Variants in NGEF observed in about 807,000 individuals in gnomAD.
NGEF encodes neuronal guanine nucleotide exchange factor.
Under a neutral mutation model 80.9 loss-of-function variants are expected in NGEF, and 31 were observed. The observed-to-expected ratio is 0.38, with a 90% CI of 0.29 to 0.52. The LOEUF is 0.52. Ranked by LOEUF, NGEF falls within the 20% of genes least tolerant of loss-of-function variation. The pLI, the probability that NGEF is intolerant of heterozygous loss-of-function variation, is 0.84. For missense variants in NGEF, 709 were observed against 926.2 expected (o/e 0.77, Z 3.04); for synonymous variants, 371 against 370.2 (o/e 1.00, Z -0.03).
intron 2 of NGEF, among the ~76,000 whole-genome samples, chr2:232,971,820 C>T (rs988967174): frequency 2.0e-5 from 3 of 152,200 alleles, no homozygotes; most frequent in African/African-American, 7.2e-5. Context: ...GTCACAAACT[C>T]GAGGCTCTTT....
intron 1 of NGEF, among the ~76,000 whole-genome samples, chr2:233,000,593 TA>T (rs1199229237): frequency 7.3e-5 from 11 of 151,486 alleles, no homozygotes; most frequent in Admixed American, 2.0e-4. Flanking sequence ...CCGTCTCTAG[TA>T]AAAAAAATAC....
At chr2:232,966,777 C>T (rs533643713) in intron 3 of NGEF, among the ~76,000 whole-genome samples, 1 of 152,274 alleles carries the variant, frequency 6.6e-6, no homozygotes, top group East Asian at 1.9e-4. Context: ...TCCTTGGCCC[C>T]TTGGACTCTT....
Position 232,878,888 on chromosome 2 carries a change from G to A in NGEF, c.*601C>T, listed in dbSNP as rs1342607521. The A allele has an allele frequency of 6.6e-6, 1 of 152,602 alleles. No individual in the cohort carries two copies. Among genetic ancestry groups the A allele is most frequent in the African/African-American group, 2.4e-5 (1 of 41,470 alleles). The allele number at this position is 152,602 out of a possible 1,614,324, so 9.5% of individuals were successfully genotyped here. A position where few individuals can be genotyped will look rare whatever the true frequency, so the allele number is the denominator to read the frequency against. The stretch of plus-strand genomic sequence containing the variant: ...AGAGGCGGGAGGGGTCCCCAGCCAA[G>A]CTCTGGCAGGCCTGCCATGGGGCAG... On this transcript the variant is annotated 3_prime_UTR_variant, in exon 15 of 15. Transcript: ENST00000264051.
chr2:233,000,866 A>G (rs966845045), intron 1 of NGEF, among the ~76,000 whole-genome samples: 2 of 152,036 alleles, frequency 1.3e-5, no homozygotes, highest in East Asian at 3.9e-4. Context: ...CTAGGGGGAG[A>G]CAAACATTTA....
chr2:233,005,756 T>G (rs2106346175), intron 1 of NGEF, among the ~76,000 whole-genome samples: 1 of 152,334 alleles, frequency 6.6e-6, no homozygotes, highest in East Asian at 1.9e-4. Flanking sequence ...TTTAGCCCAG[T>G]GAGAGCCATG....
Position 232,892,598 on chromosome 2 carries a change from C to T in NGEF, c.1142+300G>A, listed in dbSNP as rs1691918590. On this transcript the variant is annotated intron_variant, in intron 7 of 14. Coordinates refer to ENST00000264051, the MANE Select transcript of NGEF (RefSeq NM_019850.3). The surrounding 1 kb of genome is among the most constrained non-coding windows in gnomAD (Gnocchi z 4.0). ...ATGACCTCACTTGACCTCAAGCTCT[C>T]TTTTCTAACTGCACAGTGCTCTGCT... Among the ~76,000 whole-genome samples the T allele has an allele frequency of 1.3e-5, 2 of 152,198 alleles. No homozygotes were observed. The highest frequency in any genetic ancestry group is 2.9e-5 in the Non-Finnish European group (2 of 68,042).
chr2:232,923,145 C>T (rs1453098971), intron 4 of NGEF, among the ~76,000 whole-genome samples: 1 of 152,162 alleles, frequency 6.6e-6, no homozygotes, highest in African/African-American at 2.4e-5. Context: ...AAGTGTCTCA[C>T]TTGGCATATT....
intron 3 of NGEF, among the ~76,000 whole-genome samples, chr2:232,969,448 C>CCCTTCCTTCCTT (rs78124787): frequency 7.8e-5 from 4 of 51,348 alleles, no homozygotes; most frequent in Non-Finnish European, 1.3e-4. Context: ...TCCCTCCCTC[C>CCCTTCCTTCCTT]CCTTCCTTCC....
intron 3 of NGEF, among the ~76,000 whole-genome samples, chr2:232,954,887 T>G (rs903799284): frequency 2.6e-5 from 4 of 152,106 alleles, no homozygotes; most frequent in East Asian, 1.9e-4. Flanking sequence ...GAACAGCAGG[T>G]GCAAAGGGCC....
chr2:232,893,548 C>A (rs371480658), intron 6 of NGEF, among the ~76,000 whole-genome samples: 5 of 152,026 alleles, frequency 3.3e-5, no homozygotes, highest in Non-Finnish European at 5.9e-5. Context: ...CCGAGGCGGG[C>A]GGATCACCTG....
intron 5 of NGEF, among the ~76,000 whole-genome samples, chr2:232,918,376 C>T (rs1384791688): frequency 1.3e-5 from 2 of 152,166 alleles, no homozygotes. Flanking sequence ...GCTGGGATTA[C>T]AGGTGTGAGC....
chr2:232,933,977 C>A (rs558696471), intron 3 of NGEF, among the ~76,000 whole-genome samples: 41 of 152,296 alleles, frequency 2.7e-4, no homozygotes, highest in African/African-American at 9.4e-4. Context: ...GGCACAGTGG[C>A]TCACACCTGT....
intron 3 of NGEF, among the ~76,000 whole-genome samples, chr2:232,955,743 T>C (rs147232093): frequency 0.012 from 1,835 of 152,308 alleles, 24 homozygotes; most frequent in African/African-American, 0.027. Flanking sequence ...GGTCCTGAAC[T>C]CCTGACCTCA....
At chr2:232,948,147 A>ATGTGTG (rs375640068) in intron 3 of NGEF, among the ~76,000 whole-genome samples, 4,622 of 141,554 alleles carry the variant, frequency 0.033, 125 homozygotes, top group East Asian at 0.1. Flanking sequence ...TAGCCTGGAG[A>ATGTGTG]TGTGTGTGTG....
intron 3 of NGEF, among the ~76,000 whole-genome samples, chr2:232,934,527 G>A (rs1020837562): frequency 6.6e-6 from 1 of 152,040 alleles, no homozygotes; most frequent in African/African-American, 2.4e-5. Flanking sequence ...GAGTTCTAAG[G>A]CATGTAACCT....
At chr2:232,887,248 C>T (rs1691722838) in intron 9 of NGEF, among the ~76,000 whole-genome samples, 1 of 152,228 alleles carries the variant, frequency 6.6e-6, no homozygotes. Flanking sequence ...TCAGCTCCAG[C>T]TGATGCCAGG....
Position 232,995,691 on chromosome 2 carries a change from GTGTA to G in NGEF, c.-75+17373_-75+17376del, listed in dbSNP as rs1055255273. ...GTATATATGTATTATATATATTATA[GTGTA>G]TGTATTATATGTGTATATACATATA... On this transcript the variant is annotated intron_variant, in intron 1 of 14. Transcript: ENST00000264051. 6.9e-4 allele frequency among the ~76,000 whole-genome samples: 93 copies of G among 135,084 alleles called. No individual in the cohort carries two copies. The East Asian group carries it at 0.021, about 30-fold the overall frequency. 88.6% of individuals were successfully genotyped at this position (135,084 alleles called of 152,430 possible).
chr2:233,000,067 G>A (rs1336114494), intron 1 of NGEF, among the ~76,000 whole-genome samples: 3 of 152,178 alleles, frequency 2.0e-5, no homozygotes, highest in Non-Finnish European at 4.4e-5. Flanking sequence ...AGCATGGCCA[G>A]GCTCTGGTGA....
intron 1 of NGEF, among the ~76,000 whole-genome samples, chr2:232,979,753 G>A (rs1318940018): frequency 6.6e-6 from 1 of 152,120 alleles, no homozygotes; most frequent in East Asian, 1.9e-4. Context: ...TTCTATGTCT[G>A]TCCACATTCC....
Sources: gnomAD v4.1 joint callset for allele counts (sites outside exome capture counted in the v4.1 genomes callset) on GRCh38, gnomAD v4.1.1 for gene constraint, Gnocchi (gnomAD v3.1) non-coding constraint, MANE v1.5 for transcripts, NCBI Gene and HGNC (gene_info 2026-07-23, HGNC 2026-07-21) for gene names.